IARS2: variants seen among roughly 807,000 people sequenced by gnomAD.
IARS2 encodes the protein isoleucine--tRNA ligase, mitochondrial.
A neutral mutation model predicts 126.3 loss-of-function variants in IARS2; 56 were observed. The ratio of observed to expected loss-of-function variants is 0.44; its 90% CI spans 0.36 to 0.55. The LOEUF is 0.55. Ranked by LOEUF, IARS2 falls within the 20% of genes least tolerant of loss-of-function variation. The pLI is 0.00. For missense variants in IARS2, 1,127 were observed against 1,245.9 expected, an observed-to-expected ratio of 0.90 and a Z score of 1.44; for synonymous variants, 407 against 441.1, an observed-to-expected ratio of 0.92 and a Z score of 0.97.
chr1:220,096,432 CA>C (rs1294823084), intron 2 of IARS2, among the ~76,000 whole-genome samples: 1 of 152,030 alleles, frequency 6.6e-6, no homozygotes, highest in Non-Finnish European at 1.5e-5. Flanking sequence ...TATTAGTAAA[CA>C]TCATCTTATT....
At chr1:220,126,969 G>A in intron 14 of IARS2, 126 bp downstream of exon 14, 1 of 624,456 alleles carries the variant, frequency 1.6e-6, no homozygotes, top group Non-Finnish European at 2.8e-6. Flanking sequence ...CTATATTTTA[G>A]ACCTCGAAAG....
intron 21 of IARS2, chr1:220,144,425 C>T (rs766553297): frequency 5.4e-5 from 29 of 541,862 alleles, no homozygotes; most frequent in Admixed American, 2.8e-4. Context: ...AAAAAACATC[C>T]ATCTTATTTT....
chr1:220,099,986 T>G (rs1284750181), intron 2 of IARS2, among the ~76,000 whole-genome samples: 1 of 152,220 alleles, frequency 6.6e-6, no homozygotes, highest in African/African-American at 2.4e-5. Context: ...GTCAGAGCAC[T>G]GTTTCCTCTT....
intron 12 of IARS2, among the ~76,000 whole-genome samples, chr1:220,116,274 A>G (rs1353736673): frequency 1.3e-5 from 2 of 152,174 alleles, no homozygotes; most frequent in Non-Finnish European, 2.9e-5. Context: ...AGGAACTGCT[A>G]GTTGCTACAG....
chr1:220,144,397 T>A, intron 21 of IARS2: 1 of 576,798 alleles, frequency 1.7e-6, no homozygotes, highest in African/African-American at 1.9e-5. Context: ...TTAAAAGTTT[T>A]ATTAGTGTCA....
intron 12 of IARS2, among the ~76,000 whole-genome samples, chr1:220,117,103 C>CA (rs1422957961): frequency 7.1e-6 from 1 of 141,382 alleles, no homozygotes; most frequent in Admixed American, 7.2e-5. Flanking sequence ...CGAGTTTCCA[C>CA]AAACATTTGT....
At chr1:220,097,045 C>CAA (rs772161383) in intron 2 of IARS2, among the ~76,000 whole-genome samples, 2 of 102,798 alleles carry the variant, frequency 1.9e-5, no homozygotes, top group Non-Finnish European at 4.1e-5. Context: ...GATTCCGTCT[C>CAA]AAAAAAAAAA....
intron 15 of IARS2, among the ~76,000 whole-genome samples, chr1:220,136,097 AGTTAACT>A (rs1657370037): frequency 6.6e-6 from 1 of 152,108 alleles, no homozygotes; most frequent in Non-Finnish European, 1.5e-5. Flanking sequence ...GTAAGTCGAG[AGTTAACT>A]GTTTGACTAT....
Position 220,106,028 on chromosome 1 carries a change from TACG to T in IARS2, c.1205_1207del (p.Tyr402_Gly403delinsCys), listed in dbSNP as rs775719094. ...AGCCCCAGCTCATGGTATGGAAGAC[TACG>T]GTGTAGCGTCTCAGCACAACCTGCC... On this transcript the variant is annotated inframe_deletion, in exon 9 of 23. Transcript: ENST00000366922. The T allele has an allele frequency of 5.6e-6, 9 of 1,614,114 alleles. No individual in the cohort carries two copies. Among genetic ancestry groups the T allele is most frequent in the Non-Finnish European group, 7.6e-6 (9 of 1,179,980 alleles).
rs772530946 is a variant in IARS2 at position 220,094,353 on chromosome 1, C to T, written c.137C>T (p.Ser46Phe). ...ATKRLLVRSVSGASNHQPNSN... is the reference protein window; with the variant it reads ...ATKRLLVRSVFGASNHQPNSN... ...AAGAGGCTTCTGGTGCGGTCGGTCT[C>T]CGGGGCCAGTAACCACCAGCCGAAC... is the stretch of plus-strand genomic sequence containing the variant. The change falls in exon 1 of 23, where the codon TCC (serine) becomes TTC (phenylalanine). Residue 46 changes from serine to phenylalanine, a missense_variant. Physicochemically the swap from Ser to Phe is radical, Grantham distance 155. Transcript: ENST00000366922. 2.2e-4 allele frequency: 356 copies of T among 1,613,016 alleles called. 4 individuals carry two copies. The Admixed American group carries it at 5.9e-3, about 27-fold the overall frequency.
At chr1:220,100,777 G>A (rs1049071946) in intron 3 of IARS2, 128 bp downstream of exon 3, 23 of 540,382 alleles carry the variant, frequency 4.3e-5, no homozygotes, top group African/African-American at 1.2e-4. Context: ...TATTGGAAAC[G>A]CCTTTCTGTC....
chr1:220,140,143 C>A, intron 18 of IARS2, 40 bp from the exon 19 acceptor site: 1 of 1,152,312 alleles, frequency 8.7e-7, no homozygotes, highest in Non-Finnish European at 1.3e-6. Flanking sequence ...TTTCATTTGC[C>A]TGTCTCAGCT....
rs188964069 is a variant in IARS2 at position 220,125,256 on chromosome 1, G to T, written c.1660G>T (p.Val554Phe). Residue 554 changes from valine (V) to phenylalanine (F), a missense_variant, in exon 13 of 23, where the codon GTT becomes TTT. Val to Phe is a conservative substitution (Grantham distance 50, BLOSUM62 -1). Transcript: ENST00000366922. ...LINSQTTEHI[V>F]KLVEQHGSDI... ...AAATAGCCAAACCACTGAGCATATT[G>T]TTAAACTAGTGGAACAACACGGCAG... The T allele has an allele frequency of 2.5e-6, 4 of 1,612,854 alleles. No homozygotes were observed. In the East Asian group the frequency reaches 8.9e-5, roughly 36 times the overall value.
At chr1:220,138,529 A>G (rs1360267035) in intron 17 of IARS2, among the ~76,000 whole-genome samples, 1 of 151,898 alleles carries the variant, frequency 6.6e-6, no homozygotes, top group Admixed American at 6.6e-5. Flanking sequence ...TAGTAATACC[A>G]GTAATTTTAT....
At chr1:220,138,811 A>G (rs1371540508) in intron 17 of IARS2, among the ~76,000 whole-genome samples, 197 bp from the exon 18 acceptor site, 1 of 152,184 alleles carries the variant, frequency 6.6e-6, no homozygotes, top group African/African-American at 2.4e-5. Context: ...GGTTGTTCCT[A>G]TAACTGGGCT....
chr1:220,117,964 A>G (rs765959843), intron 12 of IARS2: 1 of 491,276 alleles, frequency 2.0e-6, no homozygotes, highest in Non-Finnish European at 4.2e-6. Context: ...CTGAATGATG[A>G]CTTTAATCCT....
At chr1:220,132,505 T>G (rs994469315) in intron 14 of IARS2, among the ~76,000 whole-genome samples, 4 of 151,836 alleles carry the variant, frequency 2.6e-5, no homozygotes, top group African/African-American at 7.3e-5. Context: ...TGTTGTCTGT[T>G]GTATGTCACC....
Position 220,102,204 on chromosome 1 carries a change from A to G in IARS2, c.626A>G (p.Asn209Ser). 6.2e-7 allele frequency: 1 copy of G among 1,612,626 alleles called. No individual in the cohort carries two copies. Among genetic ancestry groups the G allele is most frequent in the South Asian group, 1.1e-5 (1 of 90,580 alleles). ...CGTTGGGGAATAATGGCAGATTGGA[A>G]TAATTGCTACTATACATTTGATGGG... The part of the protein sequence containing the change: ...FIRWGIMADW[N>S]NCYYTFDGKY... The change falls in exon 4 of 23, where the codon AAT (asparagine) becomes AGT (serine). Residue 209 changes from asparagine (N) to serine (S), a missense_variant. By Grantham distance (46) the Asn-to-Ser change is conservative (BLOSUM62 1). Coordinates refer to ENST00000366922, the MANE Select transcript of IARS2 (RefSeq NM_018060.4).
At chr1:220,130,588 C>T (rs919476958) in intron 14 of IARS2, among the ~76,000 whole-genome samples, 2 of 152,088 alleles carry the variant, frequency 1.3e-5, no homozygotes, top group Admixed American at 6.5e-5. Context: ...GACAGAGTCT[C>T]GCTCTGTCGC....
Sources: gnomAD v4.1 joint callset for allele counts (sites outside exome capture counted in the v4.1 genomes callset) on GRCh38, gnomAD v4.1.1 for gene constraint, MANE v1.5 for transcripts, NCBI Gene and HGNC (gene_info 2026-07-23, HGNC 2026-07-21) for gene names.